Variants in CHD6 observed in about 807,000 individuals in gnomAD.
CHD6 encodes chromodomain helicase DNA binding protein 6.
CHD6 carries 50 observed loss-of-function variants against 276.9 expected under a neutral mutation model. The observed-to-expected ratio is 0.18, with a 90% CI of 0.14 to 0.23. The LOEUF (loss-of-function observed/expected upper bound fraction) is 0.23, where lower values mean the gene tolerates loss of function less well. CHD6 is among the 10% of genes least tolerant of loss of function. The pLI is 1.00. For synonymous variants in CHD6, 1,173 were observed against 1,229.3 expected, an observed-to-expected ratio of 0.95 and a Z score of 0.96; for missense variants, 2,564 against 3,365.8, an observed-to-expected ratio of 0.76 and a Z score of 5.89.
chr20:41,564,268 A>G (rs2045332384), intron 1 of CHD6: 2 of 582,592 alleles, frequency 3.4e-6, no homozygotes, highest in East Asian at 5.6e-5. Flanking sequence ...CCCGTTTTCC[A>G]AAACAGCATA....
At chr20:41,549,930 C>A (rs1210786294) in intron 2 of CHD6, among the ~76,000 whole-genome samples, 1 of 152,192 alleles carries the variant, frequency 6.6e-6, no homozygotes, top group Non-Finnish European at 1.5e-5. Context: ...TCCTGAGTAG[C>A]TGCGATTACA....
intron 3 of CHD6, among the ~76,000 whole-genome samples, chr20:41,531,335 C>T (rs1258539063): frequency 6.6e-6 from 1 of 152,072 alleles, no homozygotes; most frequent in Non-Finnish European, 1.5e-5. Flanking sequence ...CCTTATTATT[C>T]TCTGTAATAA....
Position 41,403,053 on chromosome 20 carries a change from T to C in CHD6, c.*1540A>G. On this transcript the variant is annotated 3_prime_UTR_variant, in exon 37 of 37. Coordinates refer to ENST00000373233, the MANE Select transcript of CHD6 (RefSeq NM_032221.5). ...GATGCTCATTTTAACATTTACATAATTTATAATCCCAAATGTATAAAAGAC... is the reference window on the plus strand; with the variant it reads ...GATGCTCATTTTAACATTTACATAACTTATAATCCCAAATGTATAAAAGAC... 1 of 217,726 alleles carries C rather than the reference T, an allele frequency of 4.6e-6. No individual in the cohort carries two copies. Among genetic ancestry groups the C allele is most frequent in the Non-Finnish European group, 9.1e-6 (1 of 109,354 alleles). The allele number at this position is 217,726 out of a possible 1,614,324, so 13.5% of individuals were successfully genotyped here.
chr20:41,552,040 A>G (rs2045155155), intron 1 of CHD6, among the ~76,000 whole-genome samples: 1 of 152,174 alleles, frequency 6.6e-6, no homozygotes, highest in Non-Finnish European at 1.5e-5. Context: ...AAGCCCAGTA[A>G]TTGTCTTTAG....
intron 2 of CHD6, among the ~76,000 whole-genome samples, chr20:41,549,128 C>T (rs1306152961): frequency 6.6e-6 from 1 of 151,598 alleles, no homozygotes; most frequent in African/African-American, 2.4e-5. Context: ...TTTGACCCAG[C>T]CATCCCATTA....
chr20:41,514,775 C>G (rs1016716911), intron 4 of CHD6, 30 bp downstream of exon 4: 2 of 1,609,832 alleles, frequency 1.2e-6, no homozygotes, highest in African/African-American at 1.3e-5. Flanking sequence ...GAGCCGTAAT[C>G]TCCACCAGGC....
chr20:41,538,749 G>A (rs763968151), intron 2 of CHD6, among the ~76,000 whole-genome samples: 17 of 152,166 alleles, frequency 1.1e-4, no homozygotes, highest in Non-Finnish European at 1.0e-4. Flanking sequence ...GGACAGAGTA[G>A]CAACATGTAG....
At chr20:41,441,979 G>A (rs762814178) in intron 25 of CHD6, among the ~76,000 whole-genome samples, 1 of 152,232 alleles carries the variant, frequency 6.6e-6, no homozygotes, top group Non-Finnish European at 1.5e-5. Flanking sequence ...CAACTGAGCT[G>A]TCAAGAGCAT....
intron 1 of CHD6, among the ~76,000 whole-genome samples, chr20:41,582,422 T>C (rs183115810): frequency 3.9e-5 from 6 of 152,284 alleles, no homozygotes; most frequent in Non-Finnish European, 2.9e-5. Context: ...TTGAAAATAG[T>C]AAAGTCATAC....
chr20:41,504,771 C>T (rs2043936843), intron 5 of CHD6, among the ~76,000 whole-genome samples: 1 of 152,184 alleles, frequency 6.6e-6, no homozygotes. Flanking sequence ...CCTGCCAACT[C>T]TAATATCTGG....
intron 1 of CHD6, among the ~76,000 whole-genome samples, chr20:41,617,288 G>A (rs537958403): frequency 6.6e-6 from 1 of 152,160 alleles, no homozygotes; most frequent in African/African-American, 2.4e-5. Flanking sequence ...GGTCCTACGA[G>A]CTCAAAATTG....
chr20:41,551,189 G>C (rs957390105), intron 2 of CHD6, 116 bp downstream of exon 2: 2 of 713,410 alleles, frequency 2.8e-6, no homozygotes, highest in Non-Finnish European at 5.0e-6. Context: ...TATAATACAG[G>C]CAACAGGGAA....
chr20:41,527,112 T>C (rs1413633005), intron 3 of CHD6, among the ~76,000 whole-genome samples: 1 of 152,098 alleles, frequency 6.6e-6, no homozygotes, highest in African/African-American at 2.4e-5. Context: ...ACCAACAACA[T>C]GAACACCAAA....
intron 1 of CHD6, among the ~76,000 whole-genome samples, chr20:41,600,089 C>T (rs542264105): frequency 8.5e-5 from 13 of 152,114 alleles, no homozygotes; most frequent in East Asian, 1.9e-4. Context: ...TTTGTGGCAC[C>T]GAGCACTTGT....
rs138421117 is a variant in CHD6, at chr20:41,498,561, A to C, written c.916-335T>G. ...TGACTACATTCATCTCTGGCACCCC[A>C]CTAACGCTTCACTTCTGAAACACCA... On this transcript the variant is annotated intron_variant, in intron 6 of 36. Transcript: ENST00000373233. Among the ~76,000 whole-genome samples, 966 of 152,278 alleles carry C rather than the reference A, an allele frequency of 6.3e-3. 11 individuals are homozygous for C. The highest frequency in any genetic ancestry group is 0.024 in the Middle Eastern group (7 of 294).
At chr20:41,496,451 T>C (rs181992074) in intron 8 of CHD6, among the ~76,000 whole-genome samples, 305 of 152,290 alleles carry the variant, frequency 2.0e-3, no homozygotes, top group African/African-American at 6.5e-3. Flanking sequence ...TGTGGGAAGT[T>C]GCAGGCTCTT....
intron 16 of CHD6, among the ~76,000 whole-genome samples, chr20:41,476,451 G>A (rs2043169459): frequency 6.6e-6 from 1 of 151,860 alleles, no homozygotes; most frequent in African/African-American, 2.4e-5. Context: ...ACAACTTTCT[G>A]GTCTCCCAGC....
At chr20:41,582,478 G>A (rs1294256504) in intron 1 of CHD6, among the ~76,000 whole-genome samples, 2 of 152,120 alleles carry the variant, frequency 1.3e-5, no homozygotes, top group Non-Finnish European at 2.9e-5. Context: ...GCACAAATAT[G>A]ACTCCCTGCA....
intron 1 of CHD6, among the ~76,000 whole-genome samples, chr20:41,559,941 T>C (rs771505802): frequency 2.0e-5 from 3 of 152,134 alleles, no homozygotes; most frequent in Non-Finnish European, 4.4e-5. Context: ...CAGAGGTTAA[T>C]GTCCTGCAAC....
Sources: gnomAD v4.1 joint callset for allele counts (sites outside exome capture counted in the v4.1 genomes callset) on GRCh38, gnomAD v4.1.1 for gene constraint, MANE v1.5 for transcripts, NCBI Gene and HGNC (gene_info 2026-07-23, HGNC 2026-07-21) for gene names.